The following CNTLN variants were observed in gnomAD, a reference collection of about 807,000 sequenced individuals.
CNTLN encodes centlein, centrosomal protein.
Under a neutral mutation model 180.0 loss-of-function variants are expected in CNTLN, and 212 were observed. That is an observed-to-expected ratio of 1.18 (90% CI 1.05 to 1.32). The LOEUF is 1.32. Ranked by LOEUF, CNTLN falls within the 40% of genes most tolerant of loss-of-function variation. The pLI, the probability that CNTLN is intolerant of heterozygous loss-of-function variation, is 0.00. For missense variants in CNTLN, 2,095 were observed against 1,610.9 expected, an observed-to-expected ratio of 1.30 and a Z score of -5.14; for synonymous variants, 722 against 563.1, an observed-to-expected ratio of 1.28 and a Z score of -3.99.
intron 23 of CNTLN, among the ~76,000 whole-genome samples, chr9:17,471,900 C>T (rs1469017832): frequency 2.0e-5 from 3 of 151,940 alleles, no homozygotes; most frequent in East Asian, 1.9e-4. Context: ...TGCTGAGACC[C>T]AACATGTAAA....
intron 19 of CNTLN, among the ~76,000 whole-genome samples, chr9:17,462,216 T>C (rs1223977320): frequency 6.6e-6 from 1 of 151,738 alleles, no homozygotes; most frequent in Non-Finnish European, 1.5e-5. Context: ...CCCTGGATTT[T>C]TTCAAACCAA....
chr9:17,491,376 A>G (rs1019051900), intron 25 of CNTLN, among the ~76,000 whole-genome samples: 1 of 152,154 alleles, frequency 6.6e-6, no homozygotes, highest in Non-Finnish European at 1.5e-5. Context: ...AAATGTATAA[A>G]CTATGAAATT....
chr9:17,334,158 C>T (rs890218237), intron 10 of CNTLN, among the ~76,000 whole-genome samples: 1 of 152,092 alleles, frequency 6.6e-6, no homozygotes, highest in Non-Finnish European at 1.5e-5. Context: ...CTCCCAGGTT[C>T]GAGCTATTCT....
At position 17,183,608 on chromosome 9, in the gene CNTLN, G is replaced by A. The variant is rs530132083; in HGVS notation, c.449+40232G>A. ...ACTAATAATAATCTTTGGCCATTCG[G>A]TAAGATTGATAAAGTCTTGCCTATT... On this transcript the variant is annotated intron_variant, in intron 2 of 25. Transcript: ENST00000380647. 7.9e-5 allele frequency among the ~76,000 whole-genome samples: 12 copies of A among 152,044 alleles called. No homozygotes were observed. The South Asian group carries it at 2.5e-3, about 32-fold the overall frequency.
chr9:17,419,538 C>T (rs1392013349), intron 18 of CNTLN, among the ~76,000 whole-genome samples: 1 of 152,062 alleles, frequency 6.6e-6, no homozygotes, highest in Non-Finnish European at 1.5e-5. Context: ...TCAGGTCATA[C>T]ACTATTTAAT....
chr9:17,334,910 T>TAAAAAAA (rs71303378), intron 10 of CNTLN, among the ~76,000 whole-genome samples: 9 of 122,540 alleles, frequency 7.3e-5, no homozygotes, highest in South Asian at 2.8e-4. Flanking sequence ...AATCTAAAAT[T>TAAAAAAA]AAAAAAAAAA....
intron 25 of CNTLN, among the ~76,000 whole-genome samples, chr9:17,494,473 C>T (rs1201612106): frequency 6.6e-6 from 1 of 152,106 alleles, no homozygotes; most frequent in Non-Finnish European, 1.5e-5. Context: ...CAACCAGGTA[C>T]TAAGCCTAGT....
At chr9:17,465,718 A>G (rs1329074355) in intron 21 of CNTLN, among the ~76,000 whole-genome samples, 1 of 151,262 alleles carries the variant, frequency 6.6e-6, no homozygotes, top group Non-Finnish European at 1.5e-5. Context: ...TGTAGTGAAC[A>G]TTAATATTGT....
chr9:17,336,026 G>C (rs1387504905), intron 10 of CNTLN, among the ~76,000 whole-genome samples: 1 of 151,824 alleles, frequency 6.6e-6, no homozygotes, highest in Non-Finnish European at 1.5e-5. Flanking sequence ...ATGATCTAAT[G>C]AACTGATCTC....
At chr9:17,412,864 A>T (rs1426870739) in intron 16 of CNTLN, among the ~76,000 whole-genome samples, 1 of 152,236 alleles carries the variant, frequency 6.6e-6, no homozygotes, top group Non-Finnish European at 1.5e-5. Context: ...GACAGGCCTA[A>T]AACAAAACAA....
chr9:17,385,031 C>A (rs997362244), intron 13 of CNTLN, among the ~76,000 whole-genome samples: 1 of 152,188 alleles, frequency 6.6e-6, no homozygotes, highest in African/African-American at 2.4e-5. Flanking sequence ...TGGGGGTTCC[C>A]AGGAGCCCTT....
At chr9:17,339,243 A>G (rs1248234183) in intron 10 of CNTLN, among the ~76,000 whole-genome samples, 1 of 152,212 alleles carries the variant, frequency 6.6e-6, no homozygotes, top group Non-Finnish European at 1.5e-5. Flanking sequence ...CCATACTGCT[A>G]AGACAGCTAG....
At chr9:17,373,979 C>T (rs1824544904) in intron 13 of CNTLN, among the ~76,000 whole-genome samples, 2 of 152,170 alleles carry the variant, frequency 1.3e-5, no homozygotes, top group South Asian at 4.1e-4. Context: ...ATGGATTAAA[C>T]ACTTAAATCT....
intron 2 of CNTLN, among the ~76,000 whole-genome samples, chr9:17,180,567 A>G (rs1456326045): frequency 6.6e-6 from 1 of 151,864 alleles, no homozygotes; most frequent in Non-Finnish European, 1.5e-5. Context: ...ATCAAACCTA[A>G]TTTAGAAAAC....
chr9:17,487,023 A>T lies in CNTLN; in HGVS notation c.4076A>T (p.Asp1359Val), dbSNP rs1380945102. ...AAAACAAAAATTGATGCTGAAAATGACAAGGAATGGATGTTGTACATTCAG... is the reference window on the plus strand; with the variant it reads ...AAAACAAAAATTGATGCTGAAAATGTCAAGGAATGGATGTTGTACATTCAG... ...IEKTKIDAENDKEWMLYIQKL... is the reference protein window; with the variant it reads ...IEKTKIDAENVKEWMLYIQKL... Residue 1359 changes from aspartate (D) to valine (V), a missense_variant, in exon 25 of 26, where the codon GAC becomes GTC. Asp to Val is a radical substitution (Grantham distance 152). Transcript: ENST00000380647. 1 of 1,584,010 alleles carries T rather than the reference A, an allele frequency of 6.3e-7. No individual in the cohort carries two copies. The highest frequency in any genetic ancestry group is 8.5e-7 in the Non-Finnish European group (1 of 1,171,408).
chr9:17,190,924 A>G (rs1821751349), intron 2 of CNTLN, among the ~76,000 whole-genome samples: 1 of 152,170 alleles, frequency 6.6e-6, no homozygotes, highest in South Asian at 2.1e-4. Context: ...ATTCATAGTC[A>G]TTTATATAAT....
At chr9:17,166,419 G>C (rs542276186) in intron 2 of CNTLN, among the ~76,000 whole-genome samples, 3 of 152,214 alleles carry the variant, frequency 2.0e-5, no homozygotes, top group Admixed American at 2.0e-4. Flanking sequence ...CAGTAGCAGA[G>C]AACAGAGAAA....
chr9:17,219,820 A>T (rs971256384), intron 2 of CNTLN, among the ~76,000 whole-genome samples: 1 of 151,996 alleles, frequency 6.6e-6, no homozygotes, highest in Non-Finnish European at 1.5e-5. Context: ...ATGCTAGCCA[A>T]TGTGGTTTCT....
At chr9:17,361,300 C>T (rs1823371363) in intron 12 of CNTLN, among the ~76,000 whole-genome samples, 1 of 152,024 alleles carries the variant, frequency 6.6e-6, no homozygotes, top group Admixed American at 6.5e-5. Context: ...ACTTTTTTAG[C>T]ACAGGTTTTA....
Sources: gnomAD v4.1 joint callset for allele counts (sites outside exome capture counted in the v4.1 genomes callset) on GRCh38, gnomAD v4.1.1 for gene constraint, MANE v1.5 for transcripts, NCBI Gene and HGNC (gene_info 2026-07-23, HGNC 2026-07-21) for gene names.